DMRT1: variants seen among roughly 807,000 people sequenced by gnomAD.
DMRT1 encodes doublesex and mab-3 related transcription factor 1.
DMRT1 carries 7 observed loss-of-function variants against 32.3 expected under a neutral mutation model. That is an observed-to-expected ratio of 0.22 (90% CI 0.12 to 0.41). The LOEUF (loss-of-function observed/expected upper bound fraction) is 0.41, where lower values mean the gene tolerates loss of function less well. DMRT1 is among the 10% of genes least tolerant of loss of function. The probability of loss-of-function intolerance (pLI) is 1.00; values close to 1 mark genes in which losing one functional copy is unlikely to be tolerated. For missense variants in DMRT1, 625 were observed against 500.5 expected, an observed-to-expected ratio of 1.25 and a Z score of -2.37; for synonymous variants, 278 against 206.1, an observed-to-expected ratio of 1.35 and a Z score of -2.99.
intron 2 of DMRT1, among the ~76,000 whole-genome samples, chr9:860,025 G>T (rs142487403): frequency 8.5e-4 from 129 of 152,280 alleles, no homozygotes; most frequent in African/African-American, 2.8e-3. Flanking sequence ...GGTAGGGCAC[G>T]GTGGCTCACG....
At chr9:878,204 C>CCA (rs1031854264) in intron 2 of DMRT1, among the ~76,000 whole-genome samples, 1 of 107,518 alleles carries the variant, frequency 9.3e-6, no homozygotes, top group South Asian at 4.3e-4. Flanking sequence ...GCTGCTGCCC[C>CCA]CCCCCCACCC....
chr9:968,156 A>C lies in DMRT1; in HGVS notation c.*17A>C. 3 of 1,613,754 alleles carry C rather than the reference A, an allele frequency of 1.9e-6. No individual in the cohort carries two copies. Among genetic ancestry groups the C allele is most frequent in the Non-Finnish European group, 2.5e-6 (3 of 1,179,996 alleles). On this transcript the variant is annotated 3_prime_UTR_variant, in exon 5 of 5. Coordinates refer to ENST00000382276, the MANE Select transcript of DMRT1 (RefSeq NM_021951.3). ...GACGAGTGAGCAGTGCCTGCTGCCG[A>C]TGGCGGTTCACTTGGAGTAACAGGC... is the stretch of plus-strand genomic sequence containing the variant.
intron 3 of DMRT1, among the ~76,000 whole-genome samples, chr9:899,139 C>A (rs935303159): frequency 4.0e-5 from 6 of 151,368 alleles, no homozygotes; most frequent in African/African-American, 1.5e-4. Context: ...TGATTTATAT[C>A]AGAATCAAGA....
chr9:884,409 T>C lies in DMRT1; in HGVS notation c.539-9503T>C, dbSNP rs535583320. On this transcript the variant is annotated intron_variant, in intron 2 of 4. Coordinates refer to ENST00000382276, the MANE Select transcript of DMRT1 (RefSeq NM_021951.3). ...GTAGCAGAGGGATTGTGAAGCCCTATCAAAGAACTGAATGTGCAGAAAGTA... is the reference window on the plus strand; with the variant it reads ...GTAGCAGAGGGATTGTGAAGCCCTACCAAAGAACTGAATGTGCAGAAAGTA... Among the ~76,000 whole-genome samples the C allele has an allele frequency of 1.9e-4, 29 of 149,612 alleles. No individual in the cohort carries two copies. The South Asian group carries it at 2.1e-3, about 11-fold the overall frequency.
chr9:891,920 T>C (rs1195790694), intron 2 of DMRT1, among the ~76,000 whole-genome samples: 1 of 152,222 alleles, frequency 6.6e-6, no homozygotes, highest in Non-Finnish European at 1.5e-5. Flanking sequence ...CCACTGTGTC[T>C]GGCAGTGTGC....
At chr9:921,447 T>C (rs115188922) in intron 4 of DMRT1, among the ~76,000 whole-genome samples, 95 of 152,330 alleles carry the variant, frequency 6.2e-4, no homozygotes, top group African/African-American at 2.2e-3. Context: ...AGTGCTGCTT[T>C]GAACATTTGT....
intron 4 of DMRT1, among the ~76,000 whole-genome samples, chr9:947,470 T>C (rs185279941): frequency 1.5e-4 from 23 of 152,320 alleles, no homozygotes; most frequent in Admixed American, 1.3e-3. Context: ...AATTCTAAAT[T>C]ATCCTCTCTT....
chr9:888,613 A>G (rs1367783846), intron 2 of DMRT1, among the ~76,000 whole-genome samples: 2 of 151,958 alleles, frequency 1.3e-5, no homozygotes, highest in Non-Finnish European at 2.9e-5. Flanking sequence ...TTTGTTGTAT[A>G]CTTTTATTTA....
At chr9:926,089 C>G (rs76370922) in intron 4 of DMRT1, among the ~76,000 whole-genome samples, 2,600 of 152,270 alleles carry the variant, frequency 0.017, 76 homozygotes, top group African/African-American at 0.058. Flanking sequence ...ATGCCCCCAT[C>G]TGGGGTTGTG....
At chr9:928,002 T>C (rs926548819) in intron 4 of DMRT1, among the ~76,000 whole-genome samples, 7 of 152,218 alleles carry the variant, frequency 4.6e-5, no homozygotes, top group African/African-American at 1.7e-4. Context: ...TGAGCACATA[T>C]GCTTGGGGAG....
intron 1 of DMRT1, 89 bp from the exon 2 acceptor site, chr9:846,871 T>A (rs1838927292): frequency 6.7e-7 from 1 of 1,493,490 alleles, no homozygotes. Flanking sequence ...AGCTAGTGAA[T>A]CATGGTGTCT....
At chr9:898,535 C>T (rs375913956) in intron 3 of DMRT1, among the ~76,000 whole-genome samples, 1 of 152,136 alleles carries the variant, frequency 6.6e-6, no homozygotes, top group Non-Finnish European at 1.5e-5. Context: ...AATGCCTTGC[C>T]CCTCTTGGTG....
chr9:933,670 T>C (rs1164561709), intron 4 of DMRT1, among the ~76,000 whole-genome samples: 1 of 152,194 alleles, frequency 6.6e-6, no homozygotes, highest in Non-Finnish European at 1.5e-5. Flanking sequence ...TTAATTACAA[T>C]GGAAAATGCA....
rs537343938 is a variant in DMRT1 at position 902,675 on chromosome 9, G to C, written c.822+8480G>C. 7.2e-5 allele frequency among the ~76,000 whole-genome samples: 11 copies of C among 151,792 alleles called. 1 individual carries two copies. The South Asian group carries it at 2.3e-3, about 32-fold the overall frequency. On this transcript the variant is annotated intron_variant, in intron 3 of 4. Transcript: ENST00000382276. ...AGCTAATTTTTATATTTTTAGTAGA[G>C]ACAGGGTTTCGCCATGTTGGCCAGG...
chr9:924,879 CTG>C (rs1294687896), intron 4 of DMRT1, among the ~76,000 whole-genome samples: 1 of 152,182 alleles, frequency 6.6e-6, no homozygotes, highest in African/African-American at 2.4e-5. Context: ...AAGCAGATTT[CTG>C]TCTTTCCTTC....
intron 2 of DMRT1, among the ~76,000 whole-genome samples, chr9:887,034 G>A (rs1816957522): frequency 1.3e-5 from 2 of 152,166 alleles, no homozygotes. Context: ...TATTAACAAT[G>A]TAATTTATTA....
intron 2 of DMRT1, among the ~76,000 whole-genome samples, chr9:847,967 A>C (rs1208170000): frequency 6.6e-6 from 1 of 152,248 alleles, no homozygotes; most frequent in Non-Finnish European, 1.5e-5. Flanking sequence ...TCTCTTAGAA[A>C]GTCTAATTCG....
chr9:951,566 A>G (rs945672749), intron 4 of DMRT1, among the ~76,000 whole-genome samples: 3 of 152,234 alleles, frequency 2.0e-5, no homozygotes, highest in African/African-American at 7.2e-5. Flanking sequence ...CCTCTTTAAA[A>G]TGAAAATATC....
chr9:940,708 A>G (rs1035453470), intron 4 of DMRT1, among the ~76,000 whole-genome samples: 1 of 152,210 alleles, frequency 6.6e-6, no homozygotes, highest in South Asian at 2.1e-4. Flanking sequence ...CTTGATGTTG[A>G]AAATCTGTAC....
Sources: gnomAD v4.1 joint callset for allele counts (sites outside exome capture counted in the v4.1 genomes callset) on GRCh38, gnomAD v4.1.1 for gene constraint, MANE v1.5 for transcripts, NCBI Gene and HGNC (gene_info 2026-07-23, HGNC 2026-07-21) for gene names.